The following HRH2 variants were observed in gnomAD, a reference collection of about 807,000 sequenced individuals.
HRH2 encodes the protein histamine receptor H2.
A neutral mutation model predicts 20.1 loss-of-function variants in HRH2; 4 were observed. That is an observed-to-expected ratio of 0.20 (90% CI 0.10 to 0.45). The LOEUF is 0.45. Among genes scored for constraint, HRH2 ranks in the 20% least tolerant of loss-of-function variants. The pLI is 0.99. For synonymous variants in HRH2, 197 were observed against 200.7 expected (o/e 0.98, Z 0.16); for missense variants, 250 against 461.6 (o/e 0.54, Z 4.20).
chr5:175,695,482 T>C (rs970564086), intron 2 of HRH2, among the ~76,000 whole-genome samples: 20 of 152,290 alleles, frequency 1.3e-4, no homozygotes, highest in African/African-American at 4.8e-4. Flanking sequence ...CTGGCTGTTG[T>C]CTCCTCTTCA....
intron 1 of HRH2, among the ~76,000 whole-genome samples, chr5:175,680,994 G>T (rs1396371332): frequency 6.6e-6 from 1 of 152,022 alleles, no homozygotes; most frequent in Non-Finnish European, 1.5e-5. Context: ...AAGAGAGGCT[G>T]GTCCACTCAG....
intron 1 of HRH2, among the ~76,000 whole-genome samples, chr5:175,678,640 C>A (rs1433467669): frequency 6.6e-6 from 1 of 152,262 alleles, no homozygotes; most frequent in Non-Finnish European, 1.5e-5. Flanking sequence ...TGCCGTGACG[C>A]TCGCCCAGAA....
intron 2 of HRH2, among the ~76,000 whole-genome samples, chr5:175,692,117 C>T (rs1366955618): frequency 6.6e-6 from 1 of 152,172 alleles, no homozygotes; most frequent in African/African-American, 2.4e-5. Flanking sequence ...GAAAGCTTTT[C>T]CTGCAAAGGG....
At chr5:175,659,730 G>A (rs926972690) in intron 1 of HRH2, among the ~76,000 whole-genome samples, 14 of 152,186 alleles carry the variant, frequency 9.2e-5, no homozygotes, top group African/African-American at 3.1e-4. Flanking sequence ...GCATAGCACA[G>A]GGCCTGGCAC....
At chr5:175,695,348 G>C (rs1025373440) in intron 2 of HRH2, among the ~76,000 whole-genome samples, 1 of 152,068 alleles carries the variant, frequency 6.6e-6, no homozygotes, top group Non-Finnish European at 1.5e-5. Flanking sequence ...TCAAAAAGTT[G>C]TTACAAGGAT....
intron 1 of HRH2, among the ~76,000 whole-genome samples, chr5:175,678,465 G>A (rs1341552455): frequency 6.6e-6 from 1 of 152,226 alleles, no homozygotes; most frequent in East Asian, 1.9e-4. Context: ...TCAGAGAGTT[G>A]GAAGTCACGT....
intron 2 of HRH2, among the ~76,000 whole-genome samples, chr5:175,701,091 A>T (rs947880138): frequency 6.6e-6 from 1 of 152,166 alleles, no homozygotes; most frequent in Admixed American, 6.5e-5. Flanking sequence ...GGCATTCATC[A>T]TCCATTGTCC....
intron 2 of HRH2, among the ~76,000 whole-genome samples, chr5:175,685,098 C>T (rs1373009245): frequency 6.6e-6 from 1 of 152,126 alleles, no homozygotes. Flanking sequence ...AGCTTGCAGA[C>T]TCTGGGATGT....
rs778509797 is a variant in HRH2, at chr5:175,702,718, A to ATTTTTTTTTTTT, written c.1077-5055_1077-5054insTTTTTTTTTTTT. Among the ~76,000 whole-genome samples the ATTTTTTTTTTTT allele has an allele frequency of 2.9e-5, 4 of 139,750 alleles. 1 individual carries two copies. Among genetic ancestry groups the ATTTTTTTTTTTT allele is most frequent in the African/African-American group, 8.7e-5 (3 of 34,372 alleles). 91.7% of individuals were successfully genotyped at this position (139,750 alleles called of 152,430 possible). ...AGGCACCCGCCACCACGCCTGGCTA[A>ATTTTTTTTTTTT]TTTTTTCTTTTTTTTTTTTTTTTGT... On this transcript the variant is annotated intron_variant, in intron 2 of 2. Coordinates refer to ENST00000636584, the MANE Select transcript of HRH2 (RefSeq NM_001367711.1).
At chr5:175,669,482 G>A (rs1361038484) in intron 1 of HRH2, among the ~76,000 whole-genome samples, 1 of 151,612 alleles carries the variant, frequency 6.6e-6, no homozygotes, top group Non-Finnish European at 1.5e-5. Context: ...TCCTGCCTCA[G>A]CCTCCTGAGT....
intron 2 of HRH2, chr5:175,685,953 G>C (rs1394338831): frequency 6.3e-6 from 1 of 157,526 alleles, no homozygotes; most frequent in Non-Finnish European, 1.4e-5. Flanking sequence ...CATTCCCAGG[G>C]GTGGAGTGTC....
At chr5:175,704,845 T>C (rs898098948) in intron 2 of HRH2, among the ~76,000 whole-genome samples, 1 of 151,936 alleles carries the variant, frequency 6.6e-6, no homozygotes, top group Non-Finnish European at 1.5e-5. Context: ...TCAATGATTA[T>C]ATACTTTTCT....
In HRH2 at chr5:175,683,299, C is replaced by G. The variant is rs139350514; in HGVS notation, c.66C>G (p.Thr22=). The G allele has an allele frequency of 1.8e-4, 286 of 1,614,140 alleles. No homozygotes were observed. In the African/African-American group the frequency reaches 3.5e-3, roughly 20 times the overall value. ...LDSTACKITI[T]VVLAVLILIT... is the part of the protein sequence containing the mutation. ...CTACCGCATGCAAGATCACCATCAC[C>G]GTGGTCCTTGCGGTCCTCATCCTCA... Residue 22 remains threonine, a synonymous_variant, in exon 2 of 3, where the codon ACC becomes ACG. Coordinates refer to ENST00000636584, the MANE Select transcript of HRH2 (RefSeq NM_001367711.1).
At chr5:175,685,533 C>T in intron 2 of HRH2, 1 of 1,472,362 alleles carries the variant, frequency 6.8e-7, no homozygotes, top group South Asian at 1.2e-5. Flanking sequence ...ATGATGAATA[C>T]TGGGGATGTA....
At position 175,686,274 on chromosome 5, in the gene HRH2, T is replaced by C. The variant is rs1756170715; in HGVS notation, c.1076+1965T>C. ...TGCCACTCTTGGGTTTAGTCTTGTA[T>C]ATCACTTTGTGCTGCCGTTACTTGT... On this transcript the variant is annotated intron_variant, in intron 2 of 2. Coordinates refer to ENST00000636584, the MANE Select transcript of HRH2 (RefSeq NM_001367711.1). This position sits in a 1 kb window ranked among gnomAD's most constrained non-coding sequence, Gnocchi z 4.7. 1 of 152,276 alleles carries C rather than the reference T, an allele frequency of 6.6e-6. No individual in the cohort carries two copies. The highest frequency in any genetic ancestry group is 2.1e-4 in the South Asian group (1 of 4,834). 9.4% of individuals were successfully genotyped at this position (152,276 alleles called of 1,614,324 possible).
chr5:175,664,918 G>A (rs762869042), intron 1 of HRH2, among the ~76,000 whole-genome samples: 47 of 152,322 alleles, frequency 3.1e-4, no homozygotes, highest in Non-Finnish European at 2.9e-4. Context: ...GATTACAGGC[G>A]TGAGCCACCG....
chr5:175,698,983 C>T (rs1210662103), intron 2 of HRH2, among the ~76,000 whole-genome samples: 1 of 152,246 alleles, frequency 6.6e-6, no homozygotes, highest in Non-Finnish European at 1.5e-5. Flanking sequence ...GCCATTCGCA[C>T]TGCCCCTCAG....
intron 1 of HRH2, among the ~76,000 whole-genome samples, chr5:175,671,708 GT>G (rs1349722226): frequency 6.6e-6 from 1 of 152,214 alleles, no homozygotes; most frequent in Non-Finnish European, 1.5e-5. Flanking sequence ...ATCCGCAAAT[GT>G]AACATTATGC....
At chr5:175,676,298 C>A (rs906153420) in intron 1 of HRH2, among the ~76,000 whole-genome samples, 1 of 152,214 alleles carries the variant, frequency 6.6e-6, no homozygotes, top group Non-Finnish European at 1.5e-5. Flanking sequence ...CCGGAGTACA[C>A]ACTCTGGTAT....
Sources: allele counts gnomAD v4.1 joint callset (sites outside exome capture counted in the v4.1 genomes callset), GRCh38; gene constraint gnomAD v4.1.1; non-coding constraint Gnocchi (gnomAD v3.1); transcripts MANE v1.5; gene names NCBI Gene and HGNC (gene_info 2026-07-23, HGNC 2026-07-21).